CUX2: variants seen among roughly 807,000 people sequenced by gnomAD.
The protein encoded by CUX2 is cut like homeobox 2.
A neutral mutation model predicts 144.8 loss-of-function variants in CUX2; 40 were observed. The observed-to-expected ratio is 0.28, with a 90% CI of 0.21 to 0.36. The LOEUF (loss-of-function observed/expected upper bound fraction) is 0.36. CUX2 is among the 10% of genes least tolerant of loss of function. The pLI, the probability that CUX2 is intolerant of heterozygous loss-of-function variation, is 1.00. For synonymous variants in CUX2, 827 were observed against 875.6 expected, an observed-to-expected ratio of 0.94 and a Z score of 0.98; for missense variants, 1,615 against 1,994.0, an observed-to-expected ratio of 0.81 and a Z score of 3.62.
At chr12:111,268,924 C>T (rs1380408859) in intron 4 of CUX2, among the ~76,000 whole-genome samples, 1 of 152,198 alleles carries the variant, frequency 6.6e-6, no homozygotes, top group African/African-American at 2.4e-5. Flanking sequence ...CACGGCACCC[C>T]GTAGTACCTC....
chr12:111,175,661 C>A (rs1445687335), intron 1 of CUX2, among the ~76,000 whole-genome samples: 1 of 152,068 alleles, frequency 6.6e-6, no homozygotes, highest in African/African-American at 2.4e-5. Flanking sequence ...GGGACTGCCT[C>A]CCTGGCAATA....
chr12:111,091,481 C>T (rs1168962654), intron 1 of CUX2, among the ~76,000 whole-genome samples: 1 of 152,156 alleles, frequency 6.6e-6, no homozygotes, highest in African/African-American at 2.4e-5. Flanking sequence ...AGGATTGGGC[C>T]ACCTCATCCC....
At chr12:111,147,588 G>A (rs1876771296) in intron 1 of CUX2, among the ~76,000 whole-genome samples, 1 of 152,158 alleles carries the variant, frequency 6.6e-6, no homozygotes, top group Non-Finnish European at 1.5e-5. Context: ...TCATAGGTTG[G>A]GGGCCCCCAG....
chr12:111,276,187 T>C (rs1037889061), intron 4 of CUX2, among the ~76,000 whole-genome samples: 2 of 152,056 alleles, frequency 1.3e-5, no homozygotes, highest in Non-Finnish European at 2.9e-5. Flanking sequence ...ACTCTGTCTC[T>C]ACAAAAAATT....
chr12:111,232,588 T>C (rs1203037316), intron 3 of CUX2, among the ~76,000 whole-genome samples: 1 of 152,192 alleles, frequency 6.6e-6, no homozygotes, highest in Non-Finnish European at 1.5e-5. Context: ...TATAAAGGAT[T>C]TGAGCATCGG....
chr12:111,201,804 G>A (rs61699865), intron 1 of CUX2, among the ~76,000 whole-genome samples: 5,873 of 152,262 alleles, frequency 0.039, 188 homozygotes, highest in African/African-American at 0.09. Flanking sequence ...TGCAAGAAAT[G>A]AGTTAGAGAA....
intron 1 of CUX2, among the ~76,000 whole-genome samples, chr12:111,180,923 G>A (rs1879127105): frequency 6.6e-6 from 1 of 152,240 alleles, no homozygotes; most frequent in South Asian, 2.1e-4. Flanking sequence ...AAAATGCTTA[G>A]AGGGAATAAA....
chr12:111,189,473 G>T (rs2136192205), intron 1 of CUX2, among the ~76,000 whole-genome samples: 1 of 152,330 alleles, frequency 6.6e-6, no homozygotes, highest in Admixed American at 6.5e-5. Flanking sequence ...GGCTGGTTTT[G>T]TTCCACATTG....
Position 111,320,587 on chromosome 12 carries a change from G to A in CUX2, c.2578G>A (p.Glu860Lys), listed in dbSNP as rs1305387413. Residue 860 changes from glutamate (E) to lysine (K), a missense_variant, in exon 17 of 22, where the codon GAG (glutamate) becomes AAG (lysine). This residue lies in a region of CUX2 where 390 missense variants were observed against 387.1 expected (regional missense o/e 1.01). Transcript: ENST00000261726. This position sits in a 1 kb window ranked among gnomAD's most constrained non-coding sequence, Gnocchi z 8.1. ...GELKAEGATA[E>K]AGARLPYYPA... ...GCTCAAGGCTGAGGGCGCGACGGCC[G>A]AGGCGGGCGCGCGGCTGCCCTACTA... 1 of 1,523,516 alleles carries A rather than the reference G, an allele frequency of 6.6e-7. No homozygotes were observed. Among genetic ancestry groups the A allele is most frequent in the Admixed American group, 2.0e-5 (1 of 48,990 alleles). The allele number at this position is 1,523,516 out of a possible 1,614,324, so 94.4% of individuals were successfully genotyped here. A position where few individuals can be genotyped will look rare whatever the true frequency, so the allele number is the denominator to read the frequency against.
chr12:111,156,804 C>G (rs1032984906), intron 1 of CUX2, among the ~76,000 whole-genome samples: 1 of 151,820 alleles, frequency 6.6e-6, no homozygotes, highest in Non-Finnish European at 1.5e-5. Flanking sequence ...ATGGTGAGAC[C>G]CCATCTCTAC....
Position 111,057,486 on chromosome 12 carries a change from T to G in CUX2, c.63+23246T>G, listed in dbSNP as rs1341327049. ...GCTGACAGCACCACCTTTCCTTGCT[T>G]TCCAAGCTGCCCTCTTGAGGGCCTC... On this transcript the variant is annotated intron_variant, in intron 1 of 21. Coordinates refer to ENST00000261726, the MANE Select transcript of CUX2 (RefSeq NM_015267.4). The surrounding 1 kb of genome is among the most constrained non-coding windows in gnomAD (Gnocchi z 5.1). Among the ~76,000 whole-genome samples, 15 of 152,122 alleles carry G rather than the reference T, an allele frequency of 9.9e-5. No individual in the cohort carries two copies. Among genetic ancestry groups the G allele is most frequent in the Admixed American group, 3.9e-4 (6 of 15,280 alleles).
chr12:111,162,930 C>T (rs1284422401), intron 1 of CUX2, among the ~76,000 whole-genome samples: 1 of 151,994 alleles, frequency 6.6e-6, no homozygotes. Flanking sequence ...CCTGTAATCC[C>T]AGCTGCTCGG....
intron 1 of CUX2, among the ~76,000 whole-genome samples, chr12:111,164,495 G>A (rs879553056): frequency 2.6e-5 from 4 of 152,064 alleles, no homozygotes; most frequent in African/African-American, 7.2e-5. Context: ...AGAATCACTT[G>A]AATCTGGGAG....
intron 3 of CUX2, among the ~76,000 whole-genome samples, chr12:111,245,463 C>G (rs1402686454): frequency 6.6e-6 from 1 of 151,546 alleles, no homozygotes; most frequent in Non-Finnish European, 1.5e-5. Flanking sequence ...CACAATTTTT[C>G]TTTTTTTAAT....
Position 111,304,415 on chromosome 12 carries a change from T to C in CUX2, c.858+101T>C, listed in dbSNP as rs1160322386. 6.4e-6 allele frequency: 6 copies of C among 937,274 alleles called. No homozygotes were observed. Among genetic ancestry groups the C allele is most frequent in the Admixed American group, 4.1e-5 (2 of 49,042 alleles). 58.1% of individuals were successfully genotyped at this position (937,274 alleles called of 1,614,324 possible). A position where few individuals can be genotyped will look rare whatever the true frequency, so the allele number is the denominator to read the frequency against. The stretch of plus-strand genomic sequence containing the variant: ...CATGTGGGTGACACTTTGTGGTTGA[T>C]TGTGTGCATCCATTTGAAACTGGGA... On this transcript the variant is annotated intron_variant, in intron 10 of 21. Transcript: ENST00000261726. This position sits in a 1 kb window ranked among gnomAD's most constrained non-coding sequence, Gnocchi z 4.7.
rs1886452857 is a variant in CUX2 at position 111,304,060 on chromosome 12, C to T, written c.754-150C>T. ...CAGACAGGGCTCTGTGACTGGTCTT[C>T]ATAGCTCCAGGACAGGGTCCGGGAC... On this transcript the variant is annotated intron_variant, in intron 9 of 21. Transcript: ENST00000261726. The surrounding 1 kb of genome is among the most constrained non-coding windows in gnomAD (Gnocchi z 4.7). 9.8e-6 allele frequency: 6 copies of T among 609,992 alleles called. No homozygotes were observed. The South Asian group carries it at 1.2e-4, about 12-fold the overall frequency. The allele number at this position is 609,992 out of a possible 1,614,324, so 37.8% of individuals were successfully genotyped here.
intron 18 of CUX2, among the ~76,000 whole-genome samples, chr12:111,325,162 C>T (rs1887713380): frequency 6.6e-6 from 1 of 151,594 alleles, no homozygotes; most frequent in Non-Finnish European, 1.5e-5. Context: ...GGCGTGGTGG[C>T]AGGCGCCTGT....
chr12:111,086,801 G>A (rs1390126408), intron 1 of CUX2, among the ~76,000 whole-genome samples: 1 of 152,164 alleles, frequency 6.6e-6, no homozygotes, highest in African/African-American at 2.4e-5. Context: ...GTGCAGTGGT[G>A]CATTCCTGTA....
intron 1 of CUX2, among the ~76,000 whole-genome samples, chr12:111,206,612 GT>G (rs1565848476): frequency 6.6e-6 from 1 of 152,208 alleles, no homozygotes; most frequent in Non-Finnish European, 1.5e-5. Context: ...GTGTTGGTTG[GT>G]TTCTGTACAC....
Sources: allele counts gnomAD v4.1 joint callset (sites outside exome capture counted in the v4.1 genomes callset), GRCh38; gene constraint gnomAD v4.1.1; regional missense constraint gnomAD v4.1.1; non-coding constraint Gnocchi (gnomAD v3.1); transcripts MANE v1.5; gene names NCBI Gene and HGNC (gene_info 2026-07-23, HGNC 2026-07-21).